The following AMD1 variants were observed in gnomAD, a reference collection of about 807,000 sequenced individuals.
AMD1 encodes S-adenosylmethionine decarboxylase proenzyme.
Under a neutral mutation model 40.2 loss-of-function variants are expected in AMD1, and 11 were observed. That is an observed-to-expected ratio of 0.27 (90% CI 0.17 to 0.45). The LOEUF (loss-of-function observed/expected upper bound fraction) is 0.45. Ranked by LOEUF, AMD1 falls within the 20% of genes least tolerant of loss-of-function variation. The pLI is 1.00. For missense variants in AMD1, 257 were observed against 410.2 expected (o/e 0.63, Z 3.23); for synonymous variants, 121 against 130.8 (o/e 0.93, Z 0.51).
the AMD1 span, chr6:110,858,233 C>G: frequency 1.1e-6 from 1 of 906,340 alleles, no homozygotes; most frequent in South Asian, 1.4e-5. Flanking sequence ...GCAGCGCGCG[C>G]CAGCCATGAG....
the AMD1 span, among the ~76,000 whole-genome samples, chr6:110,834,037 G>A: frequency 6.6e-6 from 1 of 151,982 alleles, no homozygotes; most frequent in Non-Finnish European, 1.5e-5. Context: ...TGGACTTCCC[G>A]GGCTCAAGTA....
chr6:110,821,194 T>A, the AMD1 span, among the ~76,000 whole-genome samples: 2 of 152,182 alleles, frequency 1.3e-5, no homozygotes, highest in East Asian at 1.9e-4. Context: ...GGTGGCGGCA[T>A]GGAGGCAGCA....
upstream of AMD1, among the ~76,000 whole-genome samples, chr6:110,873,731 T>TACTTA (rs3840529): frequency 0.035 from 5,362 of 152,244 alleles, 356 homozygotes; most frequent in East Asian, 0.34. Flanking sequence ...GACTATTTTA[T>TACTTA]ACTTAACACT....
chr6:110,888,245 A>G (rs1785805971), intron 2 of AMD1: 1 of 152,198 alleles, frequency 6.6e-6, no homozygotes, highest in African/African-American at 2.4e-5. Context: ...TTTATTCCAT[A>G]AATACTTTTA....
At chr6:110,859,335 G>C in the AMD1 span, among the ~76,000 whole-genome samples, 1 of 152,064 alleles carries the variant, frequency 6.6e-6, no homozygotes, top group African/African-American at 2.4e-5. Flanking sequence ...TGAGCCACCA[G>C]GCTGTGGGGT....
the AMD1 span, among the ~76,000 whole-genome samples, chr6:110,837,733 AAAAAAAAAAAAAATATAT>A: frequency 1.8e-5 from 2 of 108,578 alleles, no homozygotes; most frequent in African/African-American, 3.9e-5. Flanking sequence ...AAAAAAAAAA[AAAAAAAAAAAAAATATAT>A]ATATATATAT....
In AMD1 at chr6:110,893,066, G is replaced by T; in HGVS notation, c.864+1G>T. On this transcript the variant is annotated splice_donor_variant, in intron 8 of 8. Coordinates refer to ENST00000368885, the MANE Select transcript of AMD1 (RefSeq NM_001634.6). LOFTEE classifies it high-confidence loss of function. ...TGTGACCACCTTGTTTGTTAATCAG[G>T]TAATTTTATATTTTATTATTAATCA... 1 of 1,588,442 alleles carries T rather than the reference G, an allele frequency of 6.3e-7. No homozygotes were observed. Among genetic ancestry groups the T allele is most frequent in the Non-Finnish European group, 8.5e-7 (1 of 1,171,274 alleles).
At chr6:110,887,064 A>G (rs1785732904) in intron 1 of AMD1, among the ~76,000 whole-genome samples, 1 of 152,026 alleles carries the variant, frequency 6.6e-6, no homozygotes, top group Admixed American at 6.6e-5. Context: ...GAGTAACATC[A>G]CTCACTGTGT....
At chr6:110,827,881 T>C in the AMD1 span, among the ~76,000 whole-genome samples, 2 of 152,230 alleles carry the variant, frequency 1.3e-5, no homozygotes, top group Non-Finnish European at 2.9e-5. Context: ...ATTTCATTCT[T>C]AAACATTAGG....
At chr6:110,875,301 C>T (rs1181203857) in intron 1 of AMD1, 86 bp downstream of exon 1, 1 of 1,127,946 alleles carries the variant, frequency 8.9e-7, no homozygotes, top group Non-Finnish European at 1.3e-6. Flanking sequence ...GCCCGAGTTC[C>T]CTCAGCTTTC....
At chr6:110,878,906 C>G (rs1335358478) in intron 1 of AMD1, among the ~76,000 whole-genome samples, 1 of 152,148 alleles carries the variant, frequency 6.6e-6, no homozygotes, top group African/African-American at 2.4e-5. Flanking sequence ...AAACTCATGA[C>G]TTATTTGACT....
chr6:110,841,015 T>C, the AMD1 span, among the ~76,000 whole-genome samples: 2 of 152,312 alleles, frequency 1.3e-5, no homozygotes, highest in Non-Finnish European at 2.9e-5. Context: ...ATAAGAATCC[T>C]ACTTTTTTAT....
chr6:110,817,814 G>A, the AMD1 span, among the ~76,000 whole-genome samples: 15 of 152,244 alleles, frequency 9.9e-5, no homozygotes, highest in South Asian at 1.7e-3. Context: ...GTGAGTCAGG[G>A]TAGACTTCAT....
chr6:110,877,132 G>A (rs1191091178), intron 1 of AMD1, among the ~76,000 whole-genome samples: 2 of 152,210 alleles, frequency 1.3e-5, no homozygotes, highest in Admixed American at 1.3e-4. Flanking sequence ...CATGGCCAAA[G>A]TTAAACTTTG....
At chr6:110,815,656 C>CGGTTCCTGTGAA in the AMD1 span, 1 of 153,072 alleles carries the variant, frequency 6.5e-6, no homozygotes, top group South Asian at 2.0e-4. Flanking sequence ...GCACGGCTCC[C>CGGTTCCTGTGAA]GGTTCCTGTG....
chr6:110,892,406 A>G lies in AMD1; in HGVS notation c.578A>G (p.Tyr193Cys), dbSNP rs756750412. The G allele has an allele frequency of 6.2e-7, 1 of 1,612,436 alleles. No individual in the cohort carries two copies. Among genetic ancestry groups the G allele is most frequent in the East Asian group, 2.2e-5 (1 of 44,886 alleles). Residue 193 changes from tyrosine (Y) to cysteine (C), a missense_variant, in exon 6 of 9, where the codon TAC becomes TGC. Physicochemically the swap from Tyr to Cys is radical, Grantham distance 194. Transcript: ENST00000368885. ...ELDPAVMDQFYMKDGVTAKDV... is the reference protein window; with the variant it reads ...ELDPAVMDQFCMKDGVTAKDV... ...GACCCAGCAGTTATGGACCAGTTCT[A>G]CATGAAAGATGGTGTTACTGCAAAG...
chr6:110,882,509 A>G (rs1044173738), intron 1 of AMD1, among the ~76,000 whole-genome samples: 2 of 152,242 alleles, frequency 1.3e-5, no homozygotes, highest in Admixed American at 6.5e-5. Context: ...CAGAAATGTG[A>G]TAGAAATAAT....
chr6:110,825,864 T>C, the AMD1 span, among the ~76,000 whole-genome samples: 3 of 152,174 alleles, frequency 2.0e-5, no homozygotes, highest in Non-Finnish European at 4.4e-5. Flanking sequence ...TGGGAGGCAG[T>C]GGGATTAAAA....
chr6:110,854,744 G>A, the AMD1 span, among the ~76,000 whole-genome samples: 28 of 152,132 alleles, frequency 1.8e-4, no homozygotes, highest in East Asian at 5.8e-4. Flanking sequence ...CACCGCACCC[G>A]GCCAAATGTT....
Sources: gnomAD v4.1 joint callset for allele counts (sites outside exome capture counted in the v4.1 genomes callset) on GRCh38, gnomAD v4.1.1 for gene constraint, MANE v1.5 for transcripts, NCBI Gene and HGNC (gene_info 2026-07-23, HGNC 2026-07-21) for gene names.